The following LAMP3 variants were observed in gnomAD, a reference collection of about 807,000 sequenced individuals.
The protein encoded by LAMP3 is lysosome-associated membrane glycoprotein 3.
In LAMP3, 26 loss-of-function variants were observed where a neutral mutation model predicts 34.8. That is an observed-to-expected ratio of 0.75 (90% confidence interval 0.55 to 1.04). The LOEUF (loss-of-function observed/expected upper bound fraction) is 1.04, where lower values mean the gene tolerates loss of function less well. Among genes scored for constraint, LAMP3 ranks in the 50% least tolerant of loss-of-function variants. LAMP3 has a pLI of 0.00. For missense variants in LAMP3, 495 were observed against 524.0 expected, an observed-to-expected ratio of 0.94 and a Z score of 0.54; for synonymous variants, 180 against 201.9, an observed-to-expected ratio of 0.89 and a Z score of 0.92.
intron 1 of LAMP3, among the ~76,000 whole-genome samples, chr3:183,157,831 A>G (rs76634661): frequency 0.079 from 12,080 of 152,192 alleles, 530 homozygotes; most frequent in East Asian, 0.16. Context: ...TAAAAAAAGG[A>G]CTTAATTGTT....
intron 5 of LAMP3, among the ~76,000 whole-genome samples, chr3:183,129,952 G>A (rs2108595517): frequency 6.6e-6 from 1 of 152,242 alleles, no homozygotes; most frequent in East Asian, 1.9e-4. Context: ...TATGGATACA[G>A]ACAGGTACAG....
intron 5 of LAMP3, among the ~76,000 whole-genome samples, chr3:183,126,562 GTGCA>G (rs905039176): frequency 7.1e-6 from 1 of 141,502 alleles, no homozygotes; most frequent in African/African-American, 2.7e-5. Flanking sequence ...GTGTGTGTGT[GTGCA>G]CACGTGTGCA....
intron 2 of LAMP3, 95 bp from the exon 3 acceptor site, chr3:183,152,598 A>C: frequency 3.5e-6 from 4 of 1,151,446 alleles, no homozygotes; most frequent in Non-Finnish European, 4.8e-6. Context: ...CCTGAAACTT[A>C]AGGCTGAGGA....
intron 3 of LAMP3, among the ~76,000 whole-genome samples, chr3:183,144,095 T>C (rs1378300634): frequency 6.6e-6 from 1 of 152,220 alleles, no homozygotes; most frequent in Non-Finnish European, 1.5e-5. Flanking sequence ...ATGTGGATTT[T>C]GTCTTCAGCA....
intron 5 of LAMP3, among the ~76,000 whole-genome samples, chr3:183,128,051 G>A (rs1326765317): frequency 6.6e-6 from 1 of 152,020 alleles, no homozygotes; most frequent in East Asian, 1.9e-4. Flanking sequence ...GGGAGGCTGA[G>A]GCAGGAGAAT....
intron 5 of LAMP3, among the ~76,000 whole-genome samples, chr3:183,130,564 G>C (rs114448027): frequency 6.6e-6 from 1 of 152,192 alleles, no homozygotes; most frequent in East Asian, 1.9e-4. Context: ...GAGCGTGGCA[G>C]TCGAGATACT....
At chr3:183,141,954 T>C (rs1720295687) in intron 3 of LAMP3, among the ~76,000 whole-genome samples, 1 of 152,142 alleles carries the variant, frequency 6.6e-6, no homozygotes, top group Non-Finnish European at 1.5e-5. Flanking sequence ...TAACGTCTCT[T>C]TCATACCCAC....
At chr3:183,130,911 T>C (rs1215162805) in intron 5 of LAMP3, among the ~76,000 whole-genome samples, 1 of 152,142 alleles carries the variant, frequency 6.6e-6, no homozygotes, top group Non-Finnish European at 1.5e-5. Flanking sequence ...CACAGGCTTC[T>C]TAGGGTGAAT....
intron 5 of LAMP3, among the ~76,000 whole-genome samples, chr3:183,130,102 A>G (rs531935762): frequency 1.3e-5 from 2 of 150,978 alleles, no homozygotes; most frequent in Non-Finnish European, 2.9e-5. Flanking sequence ...TAAGGCATCC[A>G]GACTGTGGTA....
intron 5 of LAMP3, among the ~76,000 whole-genome samples, chr3:183,130,549 T>C (rs779650380): frequency 6.6e-6 from 1 of 152,254 alleles, no homozygotes; most frequent in Non-Finnish European, 1.5e-5. Flanking sequence ...ATCTTGCTCA[T>C]GCTTGAGCGT....
At chr3:183,149,630 C>T (rs1326470269) in intron 3 of LAMP3, among the ~76,000 whole-genome samples, 1 of 135,036 alleles carries the variant, frequency 7.4e-6, no homozygotes, top group Non-Finnish European at 1.5e-5. Flanking sequence ...CACACACACA[C>T]AGAATGAATA....
intron 5 of LAMP3, among the ~76,000 whole-genome samples, chr3:183,124,908 T>G (rs1205428024): frequency 2.0e-5 from 3 of 152,244 alleles, no homozygotes; most frequent in Non-Finnish European, 4.4e-5. Context: ...TTGAGAAACA[T>G]GATTTTTATC....
chr3:183,135,934 C>G (rs1720073286), intron 4 of LAMP3, 47 bp from the exon 5 acceptor site: 1 of 1,490,848 alleles, frequency 6.7e-7, no homozygotes, highest in African/African-American at 1.4e-5. Context: ...GATGTAACCG[C>G]TGAGCTCCAG....
At chr3:183,126,803 T>C (rs1336847637) in intron 5 of LAMP3, among the ~76,000 whole-genome samples, 1 of 152,146 alleles carries the variant, frequency 6.6e-6, no homozygotes, top group Non-Finnish European at 1.5e-5. Context: ...TAAATAGAAA[T>C]ACTTTTATTA....
upstream of LAMP3, chr3:183,162,842 G>A (rs3811731): frequency 0.11 from 61,759 of 546,926 alleles, 3,700 homozygotes; most frequent in Middle Eastern, 0.16. Flanking sequence ...CTACGGAGCA[G>A]GGAGGGGCGG....
chr3:183,162,545 C>G (rs3811728), intron 1 of LAMP3, 62 bp downstream of exon 1: 2 of 1,489,682 alleles, frequency 1.3e-6, no homozygotes, highest in Non-Finnish European at 1.8e-6. Flanking sequence ...CTCCAGAGTG[C>G]GTTTAGATGA....
intron 5 of LAMP3, chr3:183,131,970 T>A (rs1472657799): frequency 2.0e-6 from 2 of 985,398 alleles, no homozygotes; most frequent in East Asian, 2.3e-4. Context: ...AAGTGAGTGA[T>A]CCTCCAGGCA....
At chr3:183,132,861 G>C (rs1719968749) in intron 5 of LAMP3, 2 of 985,310 alleles carry the variant, frequency 2.0e-6, no homozygotes, top group Non-Finnish European at 2.4e-6. Context: ...CTGGCCACCA[G>C]ACATGCGGTT....
chr3:183,136,497 C>A (rs1399563816), intron 4 of LAMP3, among the ~76,000 whole-genome samples: 1 of 151,880 alleles, frequency 6.6e-6, no homozygotes, highest in Non-Finnish European at 1.5e-5. Flanking sequence ...ACTAAGAATA[C>A]AAAATTAGCT....
Sources: gnomAD v4.1 joint callset for allele counts (sites outside exome capture counted in the v4.1 genomes callset) on GRCh38, gnomAD v4.1.1 for gene constraint, MANE v1.5 for transcripts, NCBI Gene and HGNC (gene_info 2026-07-23, HGNC 2026-07-21) for gene names.